SLC30A5: variants seen among roughly 807,000 people sequenced by gnomAD.
The protein encoded by SLC30A5 is solute carrier family 30 member 5.
SLC30A5 carries 33 observed loss-of-function variants against 79.6 expected under a neutral mutation model. The ratio of observed to expected loss-of-function variants is 0.41; its 90% CI spans 0.31 to 0.55. The LOEUF (loss-of-function observed/expected upper bound fraction) is 0.55, where lower values mean the gene tolerates loss of function less well. SLC30A5 is among the 20% of genes least tolerant of loss of function. The pLI, the probability that SLC30A5 is intolerant of heterozygous loss-of-function variation, is 0.20. For missense variants in SLC30A5, 788 were observed against 928.1 expected, an observed-to-expected ratio of 0.85 and a Z score of 1.96; for synonymous variants, 299 against 319.7, an observed-to-expected ratio of 0.94 and a Z score of 0.69.
At chr5:69,124,879 T>G (rs1746633502) in intron 14 of SLC30A5, among the ~76,000 whole-genome samples, 2 of 152,232 alleles carry the variant, frequency 1.3e-5, no homozygotes, top group Admixed American at 1.3e-4. Flanking sequence ...CAGAAAAATA[T>G]GTTTATAATC....
chr5:69,117,408 G>A lies in SLC30A5; in HGVS notation c.1439+12G>A. Reference sequence around the variant, plus strand: ...ATTTTCTCCTATGGGTAGGTACATTGACTGTCGAGGTGGTATATCTTAAGT... The same window carrying A: ...ATTTTCTCCTATGGGTAGGTACATTAACTGTCGAGGTGGTATATCTTAAGT... On this transcript the variant is annotated intron_variant, in intron 11 of 15. Transcript: ENST00000396591. 6.2e-7 allele frequency: 1 copy of A among 1,612,820 alleles called. No individual in the cohort carries two copies.
Position 69,116,229 on chromosome 5 carries a change from CTT to C in SLC30A5, c.1072+22_1072+23del. ...CTTCATTTTGTGTAAGCATTCCCCC[CTT>C]TTTTTTATTTTAACAAATTTCTATT... On this transcript the variant is annotated intron_variant, in intron 9 of 15. Transcript: ENST00000396591. The surrounding 1 kb of genome is among the most constrained non-coding windows in gnomAD (Gnocchi z 4.0). The C allele has an allele frequency of 6.5e-7, 1 of 1,544,220 alleles. No homozygotes were observed. Among genetic ancestry groups the C allele is most frequent in the East Asian group, 2.3e-5 (1 of 43,720 alleles).
chr5:69,117,905 G>A (rs1228961745), intron 11 of SLC30A5, among the ~76,000 whole-genome samples: 10 of 150,436 alleles, frequency 6.6e-5, no homozygotes, highest in Admixed American at 6.0e-4. Context: ...GCCAGGTGCG[G>A]TGGCTCACGC....
At position 69,115,369 on chromosome 5, in the gene SLC30A5, T is replaced by C. The variant is rs1329181745; in HGVS notation, c.745T>C (p.Leu249=). Residue 249 remains leucine, a synonymous_variant, in exon 8 of 16, where the codon TTG becomes CTG. Coordinates refer to ENST00000396591, the MANE Select transcript of SLC30A5 (RefSeq NM_022902.5). ...ATCTCATCTTGTTTCTGTGCTTCTC[T>C]TGTGCCCATGGGTCATTGTTCTTTC... The part of the protein sequence containing the change: ...ALSHLVSVLL[L]CPWVIVLSVT... The C allele has an allele frequency of 4.3e-6, 7 of 1,613,922 alleles. No homozygotes were observed. The South Asian group carries it at 5.5e-5, about 13-fold the overall frequency.
At position 69,130,067 on chromosome 5, in the gene SLC30A5, A is replaced by C. The variant is rs1746811195; in HGVS notation, c.*450A>C. 6.6e-6 allele frequency: 1 copy of C among 152,226 alleles called. No homozygotes were observed. The highest frequency in any genetic ancestry group is 1.5e-5 in the Non-Finnish European group (1 of 68,070). 9.4% of individuals were successfully genotyped at this position (152,226 alleles called of 1,614,324 possible). On this transcript the variant is annotated 3_prime_UTR_variant, in exon 16 of 16. Coordinates refer to ENST00000396591, the MANE Select transcript of SLC30A5 (RefSeq NM_022902.5). ...TATATTTATGGATTTTCTGTATATA[A>C]AACTGGTTTCTAATTATAACTTAAG...
chr5:69,129,603 A>G lies in SLC30A5; in HGVS notation c.2284A>G (p.Thr762Ala). The stretch of plus-strand genomic sequence containing the variant: ...ATCCATGAAATACTGCAAAGATGGT[A>G]CTTACATCATGTGAGATAACTCAAG... ...MESMKYCKDG[T>A]YIM The change falls in exon 16 of 16, where the codon ACT becomes GCT. Residue 762 changes from threonine to alanine, a missense_variant. Physicochemically the swap from Thr to Ala is moderately conservative, Grantham distance 58 (BLOSUM62 0). Coordinates refer to ENST00000396591, the MANE Select transcript of SLC30A5 (RefSeq NM_022902.5). The G allele has an allele frequency of 6.2e-7, 1 of 1,610,932 alleles. No individual in the cohort carries two copies. Among genetic ancestry groups the G allele is most frequent in the South Asian group, 1.1e-5 (1 of 90,406 alleles).
chr5:69,104,777 T>G, intron 4 of SLC30A5, 61 bp downstream of exon 4: 1 of 1,506,576 alleles, frequency 6.6e-7, no homozygotes, highest in Non-Finnish European at 9.1e-7. Flanking sequence ...ATATTATTTT[T>G]GTTCCACTGT....
chr5:69,117,170 G>T (rs1446346269), intron 10 of SLC30A5, 69 bp from the exon 11 acceptor site: 2 of 1,270,648 alleles, frequency 1.6e-6, no homozygotes, highest in East Asian at 4.8e-5. Flanking sequence ...GGATAATTAA[G>T]GGTTAAAATC....
intron 1 of SLC30A5, among the ~76,000 whole-genome samples, chr5:69,097,044 G>GA (rs1467073844): frequency 1.2e-3 from 167 of 142,480 alleles, no homozygotes; most frequent in African/African-American, 4.1e-3. Context: ...ATATGTACTA[G>GA]AAAAAAACAG....
At chr5:69,099,722 A>G (rs1745855192) in intron 1 of SLC30A5, among the ~76,000 whole-genome samples, 2 of 152,194 alleles carry the variant, frequency 1.3e-5, no homozygotes, top group South Asian at 4.1e-4. Context: ...AAAGGCATTT[A>G]CCATTCTTCC....
chr5:69,109,976 GA>G (rs1205382072), intron 5 of SLC30A5, among the ~76,000 whole-genome samples: 6 of 152,134 alleles, frequency 3.9e-5, no homozygotes, highest in Non-Finnish European at 7.3e-5. Flanking sequence ...ATTCAGTATA[GA>G]TTTAATGACA....
Position 69,116,633 on chromosome 5 carries a change from C to A in SLC30A5, c.1281+31C>A. ...ATTTTTAAATGTTAATTGACATATC[C>A]TAAAAGCATAATATTTTAATTTTGA... On this transcript the variant is annotated intron_variant, in intron 10 of 15. Coordinates refer to ENST00000396591, the MANE Select transcript of SLC30A5 (RefSeq NM_022902.5). The surrounding 1 kb of genome is among the most constrained non-coding windows in gnomAD (Gnocchi z 4.0). 2.2e-6 allele frequency: 3 copies of A among 1,370,384 alleles called. No individual in the cohort carries two copies. Among genetic ancestry groups the A allele is most frequent in the South Asian group, 1.5e-5 (1 of 64,838 alleles). The allele number at this position is 1,370,384 out of a possible 1,614,324, so 84.9% of individuals were successfully genotyped here.
At chr5:69,118,434 T>C in intron 11 of SLC30A5, 65 bp from the exon 12 acceptor site, 6 of 1,422,598 alleles carry the variant, frequency 4.2e-6, no homozygotes, top group Non-Finnish European at 4.7e-6. Context: ...TTTCCTCATT[T>C]ATAAAGTTTA....
chr5:69,094,443 G>C, intron 1 of SLC30A5, 105 bp downstream of exon 1: 1 of 1,177,100 alleles, frequency 8.5e-7, no homozygotes, highest in Non-Finnish European at 1.1e-6. Flanking sequence ...CCCGGGGTCG[G>C]CGCGCCCTCT....
At position 69,106,672 on chromosome 5, in the gene SLC30A5, G is replaced by A. The variant is rs1005646119; in HGVS notation, c.360-1677G>A. ...AAAAATTAGCCAGGCATGGTGCTGC[G>A]TGCCTGTAATCCCAGCTACCTAGAA... On this transcript the variant is annotated intron_variant, in intron 4 of 15. Coordinates refer to ENST00000396591, the MANE Select transcript of SLC30A5 (RefSeq NM_022902.5). 2.6e-5 allele frequency among the ~76,000 whole-genome samples: 4 copies of A among 152,052 alleles called. 1 individual carries two copies. The East Asian group carries it at 7.7e-4, about 29-fold the overall frequency.
chr5:69,123,498 C>A, intron 14 of SLC30A5, 73 bp downstream of exon 14: 1 of 1,130,826 alleles, frequency 8.8e-7, no homozygotes, highest in Non-Finnish European at 1.3e-6. Flanking sequence ...GGAAGTAAAA[C>A]AGACAACCAA....
chr5:69,097,816 G>A lies in SLC30A5; in HGVS notation c.84-2991G>A, dbSNP rs537594355. Among the ~76,000 whole-genome samples the A allele has an allele frequency of 1.6e-4, 25 of 152,230 alleles. No individual in the cohort carries two copies. The South Asian group carries it at 5.2e-3, about 32-fold the overall frequency. ...AGCCTCCCAAAGTGCTGGGATTACA[G>A]GCATGAGCTACCATGCCTGGCCTGG... On this transcript the variant is annotated intron_variant, in intron 1 of 15. Transcript: ENST00000396591.
intron 5 of SLC30A5, among the ~76,000 whole-genome samples, chr5:69,110,428 T>C (rs1026216659): frequency 6.6e-6 from 1 of 152,282 alleles, no homozygotes; most frequent in East Asian, 1.9e-4. Context: ...CAAAGTAACA[T>C]GCCAAGTAGA....
At chr5:69,109,522 G>A (rs141146228) in intron 5 of SLC30A5, among the ~76,000 whole-genome samples, 46 of 152,050 alleles carry the variant, frequency 3.0e-4, no homozygotes, top group African/African-American at 1.1e-3. Flanking sequence ...GCAAGATATA[G>A]AACTGATGCA....
Sources: gnomAD v4.1 joint callset for allele counts (sites outside exome capture counted in the v4.1 genomes callset) on GRCh38, gnomAD v4.1.1 for gene constraint, Gnocchi (gnomAD v3.1) non-coding constraint, MANE v1.5 for transcripts, NCBI Gene and HGNC (gene_info 2026-07-23, HGNC 2026-07-21) for gene names.